The following PDZD2 variants were observed in gnomAD, a reference collection of about 807,000 sequenced individuals.
The protein encoded by PDZD2 is PDZ domain containing 2.
PDZD2 carries 90 observed loss-of-function variants against 220.7 expected under a neutral mutation model. The observed-to-expected ratio is 0.41, with a 90% confidence interval of 0.34 to 0.49. The LOEUF (loss-of-function observed/expected upper bound fraction) is 0.49, where lower values mean the gene tolerates loss of function less well. PDZD2 is among the 20% of genes least tolerant of loss of function. PDZD2 has a pLI of 0.28. For synonymous variants in PDZD2, 1,375 were observed against 1,450.5 expected (o/e 0.95, Z 1.18); for missense variants, 3,174 against 3,608.5 (o/e 0.88, Z 3.08).
At chr5:31,996,775 G>A (rs1224073818) in intron 4 of PDZD2, among the ~76,000 whole-genome samples, 2 of 152,186 alleles carry the variant, frequency 1.3e-5, no homozygotes, top group Admixed American at 1.3e-4. Context: ...TAGCTACTCA[G>A]GAGACTCAGG....
intron 1 of PDZD2, among the ~76,000 whole-genome samples, chr5:31,689,330 C>CATATGCATGCATATATATATATAT: frequency 1.7e-5 from 1 of 58,614 alleles, no homozygotes; most frequent in East Asian, 8.9e-4. Context: ...CATATATATA[C>CATATGCATGCATATATATATATAT]ATATACATAT....
At chr5:31,689,239 T>G (rs1010679037) in intron 1 of PDZD2, among the ~76,000 whole-genome samples, 5 of 140,010 alleles carry the variant, frequency 3.6e-5, no homozygotes, top group Non-Finnish European at 7.6e-5. Context: ...TGGCTAATGT[T>G]TGTGTGTGTG....
chr5:31,931,030 AT>A lies in PDZD2; in HGVS notation c.477-52123del. 2.0e-5 allele frequency among the ~76,000 whole-genome samples: 3 copies of A among 151,998 alleles called. No individual in the cohort carries two copies. The East Asian group carries it at 5.8e-4, about 29-fold the overall frequency. ...CCTGTCTGAGGGAGAGCATAATGGGATTGTTTATTTGAGGCAGGGTCTCACT... is the reference window on the plus strand; with the variant it reads ...CCTGTCTGAGGGAGAGCATAATGGGATGTTTATTTGAGGCAGGGTCTCACT... On this transcript the variant is annotated intron_variant, in intron 2 of 24. Transcript: ENST00000438447.
intron 1 of PDZD2, among the ~76,000 whole-genome samples, chr5:31,644,544 A>G (rs901173419): frequency 6.6e-6 from 1 of 152,232 alleles, no homozygotes; most frequent in Non-Finnish European, 1.5e-5. Flanking sequence ...TTGTTAAGAC[A>G]CTAAGCATGC....
intron 1 of PDZD2, among the ~76,000 whole-genome samples, chr5:31,784,869 T>C (rs1182729685): frequency 2.0e-5 from 3 of 151,832 alleles, no homozygotes; most frequent in Non-Finnish European, 4.4e-5. Flanking sequence ...ATTGCACCAC[T>C]GCACTCCAGC....
intron 1 of PDZD2, among the ~76,000 whole-genome samples, chr5:31,712,453 TC>T (rs1748177514): frequency 5.3e-4 from 1 of 1,900 alleles, no homozygotes; most frequent in Non-Finnish European, 7.8e-4. Flanking sequence ...TGGGCCTGCC[TC>T]TCTCTCTCTC....
intron 1 of PDZD2, among the ~76,000 whole-genome samples, chr5:31,745,317 G>A (rs1332774734): frequency 2.6e-5 from 4 of 152,166 alleles, no homozygotes; most frequent in East Asian, 3.8e-4. Context: ...ACACCTCTTC[G>A]TATGTGTGGG....
At position 31,832,035 on chromosome 5, in the gene PDZD2, CT is replaced by C. The variant is rs1756631061; in HGVS notation, c.476+32315del. On this transcript the variant is annotated intron_variant, in intron 2 of 24. Transcript: ENST00000438447. ...TAAAATGATTAAAAATCAATTCTGACTTTTAGTAGGTTTTTGTTTTGTTTTT... is the reference window on the plus strand; with the variant it reads ...TAAAATGATTAAAAATCAATTCTGACTTTAGTAGGTTTTTGTTTTGTTTTT... 2.7e-5 allele frequency among the ~76,000 whole-genome samples: 4 copies of C among 150,622 alleles called. No homozygotes were observed. The South Asian group carries it at 8.4e-4, about 32-fold the overall frequency.
intron 2 of PDZD2, among the ~76,000 whole-genome samples, chr5:31,953,011 T>G (rs990030470): frequency 1.4e-5 from 2 of 146,348 alleles, no homozygotes; most frequent in African/African-American, 5.1e-5. Flanking sequence ...TGAGTCATGA[T>G]CGTGCCACTG....
At chr5:31,872,695 C>G (rs190867580) in intron 2 of PDZD2, among the ~76,000 whole-genome samples, 3 of 152,076 alleles carry the variant, frequency 2.0e-5, no homozygotes, top group African/African-American at 7.2e-5. Context: ...CTTGAAACAT[C>G]GGCATATTAG....
At chr5:31,769,559 G>A (rs1752224194) in intron 1 of PDZD2, among the ~76,000 whole-genome samples, 1 of 152,218 alleles carries the variant, frequency 6.6e-6, no homozygotes, top group African/African-American at 2.4e-5. Flanking sequence ...GCCTAAAAGA[G>A]CCCGGTTTCC....
chr5:31,669,421 A>T (rs1335134385), intron 1 of PDZD2, among the ~76,000 whole-genome samples: 7 of 145,736 alleles, frequency 4.8e-5, no homozygotes, highest in East Asian at 2.1e-4. Context: ...AAAAAAAAAA[A>T]AATAAGATCT....
chr5:31,883,619 A>AT (rs34170782), intron 2 of PDZD2, among the ~76,000 whole-genome samples: 4,967 of 133,580 alleles, frequency 0.037, 86 homozygotes, highest in Non-Finnish European at 0.043. Flanking sequence ...ATCCTCTGTA[A>AT]TTTTTTTTTT....
chr5:32,066,993 C>T (rs1740270021), intron 14 of PDZD2, among the ~76,000 whole-genome samples: 1 of 152,178 alleles, frequency 6.6e-6, no homozygotes. Flanking sequence ...ACGTGGTGTT[C>T]TTAGTTGTAA....
At chr5:32,013,584 G>T (rs961881517) in intron 6 of PDZD2, among the ~76,000 whole-genome samples, 1 of 152,008 alleles carries the variant, frequency 6.6e-6, no homozygotes, top group African/African-American at 2.4e-5. Flanking sequence ...TTGCCTTTAA[G>T]GGGAAGCTAA....
intron 2 of PDZD2, chr5:31,840,431 TA>T (rs1561499199): frequency 0.049 from 4,787 of 98,114 alleles, 359 homozygotes; most frequent in East Asian, 0.22. Context: ...TATATATATA[TA>T]TATATATATA....
rs79042260 is a variant in PDZD2, at chr5:32,045,815, T to TA, written c.1520-2714dup. 6.0e-3 allele frequency among the ~76,000 whole-genome samples: 887 copies of TA among 147,866 alleles called. 7 individuals carry two copies. The highest frequency in any genetic ancestry group is 9.7e-3 in the Admixed American group (143 of 14,762). Reference sequence around the variant, plus strand: ...GTATCACAAAATAAATATTTAACTTTAAAAAAAAAACAAACCTTTAATGGC... The same window carrying TA: ...GTATCACAAAATAAATATTTAACTTTAAAAAAAAAAACAAACCTTTAATGGC... On this transcript the variant is annotated intron_variant, in intron 7 of 24. Transcript: ENST00000438447.
intron 1 of PDZD2, among the ~76,000 whole-genome samples, chr5:31,740,553 A>AAAAAAT: frequency 1.4e-5 from 2 of 138,720 alleles, no homozygotes; most frequent in South Asian, 2.3e-4. Context: ...AAAAAAAAAA[A>AAAAAAT]AAAAATCTGC....
rs776205231 is a variant in PDZD2 at position 31,799,273 on chromosome 5, G to A, written c.25G>A (p.Val9Met). 2.1e-5 allele frequency: 33 copies of A among 1,609,030 alleles called. No individual in the cohort carries two copies. The highest frequency in any genetic ancestry group is 1.6e-4 in the East Asian group (7 of 44,842). Reference sequence around the variant, plus strand: ...CATGCCCATCACCCAGGACAATGCCGTGCTGCACCTGCCCCTCCTCTACCA... The same window carrying A: ...CATGCCCATCACCCAGGACAATGCCATGCTGCACCTGCCCCTCCTCTACCA... MPITQDNA[V>M]LHLPLLYQWL... Residue 9 changes from valine to methionine, a missense_variant, in exon 2 of 25, where the codon GTG becomes ATG. Val to Met is a conservative substitution (Grantham distance 21). Around this residue, in one of 4 missense-constraint regions of PDZD2, gnomAD observed 632 missense variants for 708.1 expected, o/e 0.89. Coordinates refer to ENST00000438447, the MANE Select transcript of PDZD2 (RefSeq NM_178140.4).
Sources: allele counts gnomAD v4.1 joint callset (sites outside exome capture counted in the v4.1 genomes callset), GRCh38; gene constraint gnomAD v4.1.1; regional missense constraint gnomAD v4.1.1; transcripts MANE v1.5; gene names NCBI Gene and HGNC (gene_info 2026-07-23, HGNC 2026-07-21).